SERPINB6: variants seen among roughly 807,000 people sequenced by gnomAD.
SERPINB6 encodes serpin B6.
A neutral mutation model predicts 26.1 loss-of-function variants in SERPINB6; 16 were observed. The ratio of observed to expected loss-of-function variants is 0.61; its 90% confidence interval spans 0.42 to 0.93. The LOEUF is 0.93. Ranked by LOEUF, SERPINB6 falls within the 40% of genes least tolerant of loss-of-function variation. SERPINB6 has a pLI of 0.00. For missense variants in SERPINB6, 420 were observed against 478.0 expected, an observed-to-expected ratio of 0.88 and a Z score of 1.13; for synonymous variants, 174 against 176.6, an observed-to-expected ratio of 0.99 and a Z score of 0.11.
rs182270252 is a variant in SERPINB6, at chr6:2,948,337, G to T, written c.1092C>A (p.Thr364=). The change falls in exon 7 of 7, where the codon ACC becomes ACA. Residue 364 remains threonine, a synonymous_variant. Coordinates refer to ENST00000380539, the MANE Select transcript of SERPINB6 (RefSeq NM_004568.6). This position sits in a 1 kb window ranked among gnomAD's most constrained non-coding sequence, Gnocchi z 5.0. ...PFLFFIQHSK[T]NGILFCGRFS... ...AGCGGCCGCAGAAGAGAATCCCGTT[G>T]GTCTTGCTGTGCTGGATGAAGAAAA... is the stretch of plus-strand genomic sequence containing the variant. 2.0e-5 allele frequency: 32 copies of T among 1,614,088 alleles called. 1 individual carries two copies. In the African/African-American group the frequency reaches 4.0e-4, roughly 20 times the overall value.
intron 1 of SERPINB6, among the ~76,000 whole-genome samples, chr6:2,963,013 A>G (rs1771281496): frequency 6.6e-6 from 1 of 152,352 alleles, no homozygotes; most frequent in East Asian, 1.9e-4. Flanking sequence ...CAACTCATGA[A>G]ACATAATGAG....
At chr6:2,971,720 T>G (rs1370601258), upstream of SERPINB6, 17 of 151,380 alleles carry the variant, frequency 1.1e-4, no homozygotes, top group African/African-American at 3.9e-4. Flanking sequence ...GGGCCGCGAG[T>G]CCTGCCCGGA....
chr6:2,955,495 T>C, intron 3 of SERPINB6, 29 bp downstream of exon 3: 15 of 1,614,068 alleles, frequency 9.3e-6, no homozygotes, highest in Non-Finnish European at 1.3e-5. Context: ...CCTTTATTTC[T>C]TTAGTGAATA....
intron 1 of SERPINB6, among the ~76,000 whole-genome samples, chr6:2,965,343 C>T (rs189552042): frequency 6.4e-4 from 97 of 152,274 alleles, no homozygotes; most frequent in African/African-American, 2.3e-3. Context: ...ACTTTCACGC[C>T]GAAGAGAAAT....
chr6:2,964,985 C>G (rs940379075), intron 1 of SERPINB6, among the ~76,000 whole-genome samples: 10 of 152,252 alleles, frequency 6.6e-5, no homozygotes, highest in Middle Eastern at 3.4e-3. Context: ...TACAGGCACC[C>G]GGCCAAATTC....
At chr6:2,970,546 C>T (rs1483351183) in intron 1 of SERPINB6, 63 of 1,198,492 alleles carry the variant, frequency 5.3e-5, no homozygotes, top group Non-Finnish European at 6.2e-5. Flanking sequence ...AGGCCTGACC[C>T]CCACCAGAAA....
chr6:2,959,232 A>G lies in SERPINB6; in HGVS notation c.101T>C (p.Met34Thr). 1 of 1,614,220 alleles carries G rather than the reference A, an allele frequency of 6.2e-7. No homozygotes were observed. Among genetic ancestry groups the G allele is most frequent in the Non-Finnish European group, 8.5e-7 (1 of 1,180,036 alleles). Residue 34 changes from methionine (M) to threonine (T), a missense_variant, in exon 2 of 7, where the codon ATG becomes ACG. Coordinates refer to ENST00000380539, the MANE Select transcript of SERPINB6 (RefSeq NM_004568.6). ...GTAGACCATGGCCAGGGCACAGGAC[A>G]TGCTCATGGGTGAGAAAAACACATT... ...SKNVFFSPMS[M>T]SCALAMVYMG... is the part of the protein sequence containing the mutation.
chr6:2,959,796 TATA>T, intron 1 of SERPINB6: 1 of 213,340 alleles, frequency 4.7e-6, no homozygotes, highest in Non-Finnish European at 9.6e-6. Context: ...CAAATGTTTT[TATA>T]ATGAGAGAGA....
chr6:2,950,532 C>CAAAAAAAAAAAAA (rs5873848), intron 5 of SERPINB6, among the ~76,000 whole-genome samples: 1 of 110,194 alleles, frequency 9.1e-6, no homozygotes, highest in African/African-American at 3.4e-5. Flanking sequence ...GACTCCATCT[C>CAAAAAAAAAAAAA]AAAAAAAAAA....
chr6:2,957,558 C>G (rs1561680782), intron 2 of SERPINB6: 1 of 152,400 alleles, frequency 6.6e-6, no homozygotes, highest in East Asian at 1.9e-4. Context: ...CTGGCAGGCT[C>G]TCCCATGGCA....
chr6:2,949,366 G>A (rs1474218823), intron 5 of SERPINB6, among the ~76,000 whole-genome samples: 2 of 152,180 alleles, frequency 1.3e-5, no homozygotes, highest in Non-Finnish European at 1.5e-5. Context: ...CTGTCCTTGG[G>A]CCTCCTGCAT....
intron 3 of SERPINB6, 75 bp downstream of exon 3, chr6:2,955,449 G>C (rs1009130481): frequency 1.8e-5 from 29 of 1,569,346 alleles, no homozygotes; most frequent in Middle Eastern, 1.7e-4. Flanking sequence ...AGAGCCACAC[G>C]CTTCCTGCTG....
At chr6:2,959,120 C>A in intron 2 of SERPINB6, 48 bp downstream of exon 2, 1 of 1,606,500 alleles carries the variant, frequency 6.2e-7, no homozygotes, top group Non-Finnish European at 8.5e-7. Context: ...ATAAGGAGGA[C>A]CAGCTAACTT....
chr6:2,964,709 T>C (rs145636611), intron 1 of SERPINB6, among the ~76,000 whole-genome samples: 15 of 152,332 alleles, frequency 9.8e-5, no homozygotes, highest in Non-Finnish European at 1.8e-4. Flanking sequence ...TTCTCAGCCC[T>C]CCCAACTCCC....
intron 5 of SERPINB6, among the ~76,000 whole-genome samples, chr6:2,951,721 C>G (rs527433510): frequency 7.9e-5 from 12 of 152,356 alleles, no homozygotes; most frequent in Admixed American, 6.5e-4. Flanking sequence ...ACGCTCAATA[C>G]TGCAGCCCCT....
intron 1 of SERPINB6, chr6:2,970,007 G>T: frequency 1.1e-6 from 1 of 902,460 alleles, no homozygotes; most frequent in Non-Finnish European, 1.3e-6. Flanking sequence ...TGGAGCCCGG[G>T]AGGTGGAGGT....
In SERPINB6 at chr6:2,948,344, C is replaced by G. The variant is rs780521331; in HGVS notation, c.1085G>C (p.Ser362Thr). The G allele has an allele frequency of 8.7e-6, 14 of 1,614,094 alleles. No individual in the cohort carries two copies. The highest frequency in any genetic ancestry group is 1.7e-6 in the Non-Finnish European group (2 of 1,180,006). ...DHPFLFFIQH[S>T]KTNGILFCGR... The stretch of plus-strand genomic sequence containing the variant: ...GCAGAAGAGAATCCCGTTGGTCTTG[C>G]TGTGCTGGATGAAGAAAAGGAAGGG... The change falls in exon 7 of 7, where the codon AGC becomes ACC. Residue 362 changes from serine (S) to threonine (T), a missense_variant. Coordinates refer to ENST00000380539, the MANE Select transcript of SERPINB6 (RefSeq NM_004568.6). This position sits in a 1 kb window ranked among gnomAD's most constrained non-coding sequence, Gnocchi z 5.0.
intron 2 of SERPINB6, chr6:2,955,888 C>A (rs763500912): frequency 1.1e-4 from 57 of 502,362 alleles, no homozygotes; most frequent in Non-Finnish European, 1.8e-4. Flanking sequence ...ATCAGCCTGG[C>A]CAACATGGCA....
intron 1 of SERPINB6, 162 bp downstream of exon 1, chr6:2,971,371 C>G (rs968610512): frequency 5.3e-6 from 1 of 188,986 alleles, no homozygotes; most frequent in African/African-American, 2.4e-5. Flanking sequence ...ACGCCCCATT[C>G]TCGGGGCTCC....
Sources: allele counts gnomAD v4.1 joint callset (sites outside exome capture counted in the v4.1 genomes callset), GRCh38; gene constraint gnomAD v4.1.1; non-coding constraint Gnocchi (gnomAD v3.1); transcripts MANE v1.5; gene names NCBI Gene and HGNC (gene_info 2026-07-23, HGNC 2026-07-21).